KMT2C: variants seen among roughly 807,000 people sequenced by gnomAD.
KMT2C encodes the protein histone-lysine N-methyltransferase 2C.
Under a neutral mutation model 507.9 loss-of-function variants are expected in KMT2C, and 88 were observed. The observed-to-expected ratio is 0.17, with a 90% confidence interval of 0.15 to 0.21. KMT2C has a LOEUF of 0.21. KMT2C is among the 10% of genes least tolerant of loss of function. KMT2C has a pLI of 1.00. For synonymous variants in KMT2C, 2,049 were observed against 2,080.8 expected, an observed-to-expected ratio of 0.98 and a Z score of 0.42; for missense variants, 4,954 against 5,957.8, an observed-to-expected ratio of 0.83 and a Z score of 5.55.
chr7:152,366,771 GC>G, intron 1 of KMT2C: 1 of 201,110 alleles, frequency 5.0e-6, no homozygotes, highest in Non-Finnish European at 1.0e-5. Flanking sequence ...GATGTAACCA[GC>G]CGCTGAGCTG....
At chr7:152,259,015 G>A (rs1170169135) in intron 9 of KMT2C, among the ~76,000 whole-genome samples, 3 of 152,294 alleles carry the variant, frequency 2.0e-5, no homozygotes, top group African/African-American at 7.2e-5. Flanking sequence ...GTGATACCCT[G>A]AGGATGGATC....
intron 55 of KMT2C, among the ~76,000 whole-genome samples, chr7:152,141,547 T>TAA (rs201057479): frequency 5.4e-5 from 7 of 130,364 alleles, no homozygotes; most frequent in Non-Finnish European, 8.3e-5. Context: ...CATCTCTACT[T>TAA]AAAAAAAAAA....
chr7:152,184,124 T>TAAA (rs137962743), intron 34 of KMT2C, among the ~76,000 whole-genome samples: 4 of 136,764 alleles, frequency 2.9e-5, no homozygotes, highest in African/African-American at 8.1e-5. Context: ...CAATCAGTCT[T>TAAA]AAAAAAAAAA....
At chr7:152,427,239 C>T (rs369259562) in intron 1 of KMT2C, among the ~76,000 whole-genome samples, 51 of 152,144 alleles carry the variant, frequency 3.4e-4, no homozygotes, top group African/African-American at 1.2e-3. Context: ...TGGTCTTGAA[C>T]TCCTGACCTC....
At chr7:152,358,519 C>T (rs2097170515) in intron 2 of KMT2C, 68 bp downstream of exon 2, 5 of 953,230 alleles carry the variant, frequency 5.2e-6, no homozygotes, top group South Asian at 4.4e-5. Flanking sequence ...TATACAAATG[C>T]TACATGCAGT....
intron 23 of KMT2C, among the ~76,000 whole-genome samples, chr7:152,218,123 A>G (rs1226312191): frequency 2.0e-5 from 3 of 152,232 alleles, no homozygotes; most frequent in African/African-American, 4.8e-5. Flanking sequence ...AACACACTAC[A>G]AAACAAAAAT....
chr7:152,380,848 A>G (rs1166536689), intron 1 of KMT2C, among the ~76,000 whole-genome samples: 3 of 152,196 alleles, frequency 2.0e-5, no homozygotes, highest in Non-Finnish European at 2.9e-5. Context: ...ACAGAAAAGT[A>G]AAATTCAGCC....
intron 36 of KMT2C, 40 bp from the exon 37 acceptor site, chr7:152,180,166 A>T: frequency 6.2e-7 from 1 of 1,603,422 alleles, no homozygotes. Flanking sequence ...ATTTGTGGTA[A>T]TTAATGGCTT....
intron 16 of KMT2C, among the ~76,000 whole-genome samples, chr7:152,232,991 AT>A (rs1324159350): frequency 5.9e-5 from 9 of 152,326 alleles, no homozygotes; most frequent in Admixed American, 2.0e-4. Flanking sequence ...TTAAAAGGAA[AT>A]TTAACCAGTG....
intron 16 of KMT2C, among the ~76,000 whole-genome samples, chr7:152,232,415 G>T (rs1368640311): frequency 6.6e-6 from 1 of 152,170 alleles, no homozygotes; most frequent in Non-Finnish European, 1.5e-5. Context: ...AAAATAAATT[G>T]CAGAACAGTA....
intron 43 of KMT2C, among the ~76,000 whole-genome samples, chr7:152,159,568 A>G (rs760372001): frequency 1.7e-4 from 26 of 152,254 alleles, no homozygotes; most frequent in Non-Finnish European, 2.9e-4. Flanking sequence ...GAGAACAGAT[A>G]GCACCAGACA....
At chr7:152,427,631 A>C (rs1375541532) in intron 1 of KMT2C, among the ~76,000 whole-genome samples, 1 of 152,158 alleles carries the variant, frequency 6.6e-6, no homozygotes, top group Non-Finnish European at 1.5e-5. Flanking sequence ...TCCATTTGTC[A>C]TGAGAATATA....
In KMT2C at chr7:152,252,685, G is replaced by A. The variant is rs377571241; in HGVS notation, c.1330C>T (p.Arg444Trp). The A allele has an allele frequency of 1.2e-5, 20 of 1,612,478 alleles. No homozygotes were observed. Among genetic ancestry groups the A allele is most frequent in the African/African-American group, 1.3e-5 (1 of 74,836 alleles). Residue 444 changes from arginine to tryptophan, a missense_variant, in exon 10 of 59, where the codon CGG becomes TGG. Arg to Trp is a moderately radical substitution (Grantham distance 101). This residue lies in a region of KMT2C where 376 missense variants were observed against 352.4 expected (regional missense o/e 1.07). Transcript: ENST00000262189. ...NCRICIECGT[R>W]SSSQWHHNCL... ...TTGTGGTGCCACTGAGAACTAGACC[G>A]TGTGCCACACTCTATACATATTCTG...
rs757377638 is a variant in KMT2C, at chr7:152,199,347, C to A, written c.4205G>T (p.Gly1402Val). 2 of 1,604,622 alleles carry A rather than the reference C, an allele frequency of 1.2e-6. No homozygotes were observed. The highest frequency in any genetic ancestry group is 1.7e-4 in the Middle Eastern group (1 of 6,038). The change falls in exon 27 of 59, where the codon GGT becomes GTT. Residue 1402 changes from glycine to valine, a missense_variant. Physicochemically the swap from Gly to Val is moderately radical, Grantham distance 109. This residue lies in a region of KMT2C where 140 missense variants were observed against 118.4 expected (regional missense o/e 1.18). Transcript: ENST00000262189. ...QLLYKTNMNT[G>V]FLDPSLDPLL... ...TGGATCTAAGGAAGGATCCAAGAAA[C>A]CTGTGTTCATGTTTGTTTTATATAA...
chr7:152,296,451 G>A (rs1038780125), intron 6 of KMT2C, among the ~76,000 whole-genome samples: 47 of 150,598 alleles, frequency 3.1e-4, no homozygotes, highest in African/African-American at 1.1e-3. Context: ...AAAAAAGAGA[G>A]AGAGAGAGAG....
At position 152,177,377 on chromosome 7, in the gene KMT2C, A is replaced by T. The variant is rs927684458; in HGVS notation, c.8076T>A (p.Asp2692Glu). 1.7e-5 allele frequency: 27 copies of T among 1,614,104 alleles called. No individual in the cohort carries two copies. Among genetic ancestry groups the T allele is most frequent in the Non-Finnish European group, 2.1e-5 (25 of 1,180,026 alleles). ...SDGLEEKLDS[D>E]DPSVKELDVK... ...CATCCAGTTCCTTCACAGAAGGGTC[A>T]TCAGAATCAAGTTTTTCCTCTAGAC... is the stretch of plus-strand genomic sequence containing the variant. Residue 2692 changes from aspartate to glutamate, a missense_variant, in exon 38 of 59, where the codon GAT becomes GAA. Transcript: ENST00000262189.
chr7:152,139,266 G>C lies in KMT2C; in HGVS notation c.14461-7C>G, dbSNP rs762760910. 1.2e-6 allele frequency: 2 copies of C among 1,612,722 alleles called. No individual in the cohort carries two copies. The highest frequency in any genetic ancestry group is 1.7e-6 in the Non-Finnish European group (2 of 1,179,816). Reference sequence around the variant, plus strand: ...ACATGTACACACCACGGTTCTGAGGGAAAAGTCAGTCAGTAAGTCATCAAT... The same window carrying C: ...ACATGTACACACCACGGTTCTGAGGCAAAAGTCAGTCAGTAAGTCATCAAT... On this transcript the variant is annotated splice_region_variant and splice_polypyrimidine_tract_variant and intron_variant, in intron 56 of 58. Coordinates refer to ENST00000262189, the MANE Select transcript of KMT2C (RefSeq NM_170606.3).
rs1432318299 is a variant in KMT2C at position 152,135,148 on chromosome 7, C to T, written c.*1684G>A. 8.9e-6 allele frequency: 2 copies of T among 225,074 alleles called. No homozygotes were observed. The highest frequency in any genetic ancestry group is 1.8e-4 in the South Asian group (1 of 5,464). The allele number at this position is 225,074 out of a possible 1,614,324, so 13.9% of individuals were successfully genotyped here. On this transcript the variant is annotated 3_prime_UTR_variant, in exon 59 of 59. Transcript: ENST00000262189. ...AAATATTCAGGAAACAAATTTCATA[C>T]AGCTATTTATCAAGAGAAAAATATA... is the stretch of plus-strand genomic sequence containing the variant.
chr7:152,234,853 C>T (rs534198624), intron 16 of KMT2C, among the ~76,000 whole-genome samples: 1 of 151,700 alleles, frequency 6.6e-6, no homozygotes, highest in South Asian at 2.1e-4. Context: ...CACTGCACTC[C>T]AGCCAGGAAT....
Sources: allele counts gnomAD v4.1 joint callset (sites outside exome capture counted in the v4.1 genomes callset), GRCh38; gene constraint gnomAD v4.1.1; regional missense constraint gnomAD v4.1.1; transcripts MANE v1.5; gene names NCBI Gene and HGNC (gene_info 2026-07-23, HGNC 2026-07-21).